The following NELL1 variants were observed in gnomAD, a reference collection of about 807,000 sequenced individuals.
The protein encoded by NELL1 is protein kinase C-binding protein NELL1.
Under a neutral mutation model 107.4 loss-of-function variants are expected in NELL1, and 76 were observed. That is an observed-to-expected ratio of 0.71 (90% CI 0.59 to 0.86). The LOEUF (loss-of-function observed/expected upper bound fraction) is 0.86. Ranked by LOEUF, NELL1 falls within the 40% of genes least tolerant of loss-of-function variation. NELL1 has a pLI of 0.00. For synonymous variants in NELL1, 353 were observed against 341.2 expected (o/e 1.03, Z -0.38); for missense variants, 1,024 against 1,005.5 (o/e 1.02, Z -0.25).
At chr11:20,940,209 G>C (rs1218421550) in intron 10 of NELL1, among the ~76,000 whole-genome samples, 2 of 151,002 alleles carry the variant, frequency 1.3e-5, no homozygotes, top group African/African-American at 2.4e-5. Context: ...CTCTCTCTCT[G>C]TATGTGTGTG....
At chr11:20,843,648 TA>T (rs1200014137) in intron 3 of NELL1, among the ~76,000 whole-genome samples, 2 of 147,568 alleles carry the variant, frequency 1.4e-5, no homozygotes, top group Non-Finnish European at 3.0e-5. Flanking sequence ...TATAAATATA[TA>T]AATATAAAAT....
intron 2 of NELL1, among the ~76,000 whole-genome samples, chr11:20,714,493 C>T (rs1855192962): frequency 6.6e-6 from 1 of 150,776 alleles, no homozygotes; most frequent in African/African-American, 2.4e-5. Flanking sequence ...CAGGCGTGAA[C>T]CATCATGCCT....
At chr11:21,504,624 C>G (rs1429932816) in intron 15 of NELL1, among the ~76,000 whole-genome samples, 1 of 152,142 alleles carries the variant, frequency 6.6e-6, no homozygotes, top group Non-Finnish European at 1.5e-5. Flanking sequence ...TTCTTAAGGT[C>G]TTCATTCCTA....
intron 2 of NELL1, among the ~76,000 whole-genome samples, chr11:20,781,031 C>T (rs906362701): frequency 1.3e-5 from 2 of 152,020 alleles, no homozygotes; most frequent in Non-Finnish European, 1.5e-5. Context: ...AAAAAGAGCA[C>T]GTTAACTACA....
intron 14 of NELL1, among the ~76,000 whole-genome samples, chr11:21,364,573 A>T (rs1352811662): frequency 6.6e-6 from 1 of 152,178 alleles, no homozygotes; most frequent in East Asian, 1.9e-4. Context: ...TATAGAATAG[A>T]GTACAATAGA....
At chr11:20,737,601 A>G (rs1590246944) in intron 2 of NELL1, among the ~76,000 whole-genome samples, 1 of 152,124 alleles carries the variant, frequency 6.6e-6, no homozygotes. Context: ...TAAGGAATAC[A>G]GTGCCTGCAG....
chr11:21,517,137 G>A (rs1855586759), intron 15 of NELL1, among the ~76,000 whole-genome samples: 1 of 151,784 alleles, frequency 6.6e-6, no homozygotes, highest in Non-Finnish European at 1.5e-5. Flanking sequence ...GGTATATGCT[G>A]TTAAGTATTT....
intron 15 of NELL1, among the ~76,000 whole-genome samples, chr11:21,378,813 G>T (rs1228887817): frequency 1.3e-5 from 2 of 150,716 alleles, no homozygotes; most frequent in Non-Finnish European, 2.9e-5. Context: ...CACCTCCTGG[G>T]TTCAAGCGAT....
At chr11:20,764,568 G>A (rs1480275320) in intron 2 of NELL1, among the ~76,000 whole-genome samples, 1 of 150,260 alleles carries the variant, frequency 6.7e-6, no homozygotes, top group East Asian at 2.0e-4. Flanking sequence ...ATGTTTATTT[G>A]AAACAAATAA....
At chr11:21,061,686 G>A (rs1853745240) in intron 12 of NELL1, among the ~76,000 whole-genome samples, 2 of 151,932 alleles carry the variant, frequency 1.3e-5, no homozygotes, top group South Asian at 4.2e-4. Context: ...GTGAGAGAAA[G>A]GGAGATAGTC....
At chr11:21,446,954 T>G (rs1853447146) in intron 15 of NELL1, among the ~76,000 whole-genome samples, 1 of 152,222 alleles carries the variant, frequency 6.6e-6, no homozygotes, top group South Asian at 2.1e-4. Context: ...GTTGCTCTAT[T>G]CTACTGCGTT....
At chr11:20,987,599 C>T (rs148224501) in intron 12 of NELL1, among the ~76,000 whole-genome samples, 311 of 152,232 alleles carry the variant, frequency 2.0e-3, no homozygotes, top group African/African-American at 6.8e-3. Flanking sequence ...CTCACTATCA[C>T]GAGAACAGCA....
At chr11:21,573,795 G>A (rs766020624) in intron 19 of NELL1, among the ~76,000 whole-genome samples, 12 of 151,308 alleles carry the variant, frequency 7.9e-5, no homozygotes, top group Non-Finnish European at 1.6e-4. Context: ...GAAAGAGGGA[G>A]GAAGGAAGGA....
chr11:21,068,579 C>T (rs1435728035), intron 12 of NELL1, among the ~76,000 whole-genome samples: 3 of 152,220 alleles, frequency 2.0e-5, no homozygotes, highest in Admixed American at 6.5e-5. Flanking sequence ...TCAACACACA[C>T]ATACACACTG....
chr11:21,083,873 T>C (rs1346669905), intron 12 of NELL1, among the ~76,000 whole-genome samples: 1 of 152,190 alleles, frequency 6.6e-6, no homozygotes. Flanking sequence ...TGCACTATTA[T>C]GTTAAAAGTG....
At chr11:21,279,863 A>C (rs796594720) in intron 14 of NELL1, among the ~76,000 whole-genome samples, 13 of 152,338 alleles carry the variant, frequency 8.5e-5, no homozygotes, top group African/African-American at 3.1e-4. Context: ...ACATCTAGAC[A>C]ATGGAATATT....
intron 5 of NELL1, among the ~76,000 whole-genome samples, chr11:20,908,458 G>GA (rs1850053216): frequency 6.6e-6 from 1 of 152,090 alleles, no homozygotes; most frequent in East Asian, 1.9e-4. Flanking sequence ...CACAGAAGGA[G>GA]AAAACCAAAC....
chr11:21,519,877 C>T (rs112700055), intron 15 of NELL1, among the ~76,000 whole-genome samples: 278 of 152,246 alleles, frequency 1.8e-3, no homozygotes, highest in Middle Eastern at 6.8e-3. Context: ...GGTGCTGACT[C>T]CTCTGCTATT....
chr11:21,034,609 C>A lies in NELL1; in HGVS notation c.1300+74049C>A, dbSNP rs552781147. Among the ~76,000 whole-genome samples the A allele has an allele frequency of 2.2e-4, 33 of 152,210 alleles. No homozygotes were observed. In the East Asian group the frequency reaches 2.9e-3, roughly 13 times the overall value. On this transcript the variant is annotated intron_variant, in intron 12 of 19. Coordinates refer to ENST00000357134, the MANE Select transcript of NELL1 (RefSeq NM_006157.5). Reference sequence around the variant, plus strand: ...ACTATGAAATTTACTCAAAACCATACAGTTACATGGAAATTTAATAATATG... The same window carrying A: ...ACTATGAAATTTACTCAAAACCATAAAGTTACATGGAAATTTAATAATATG...
Sources: gnomAD v4.1 joint callset for allele counts (sites outside exome capture counted in the v4.1 genomes callset) on GRCh38, gnomAD v4.1.1 for gene constraint, MANE v1.5 for transcripts, NCBI Gene and HGNC (gene_info 2026-07-23, HGNC 2026-07-21) for gene names.